Variants in SHISA6 observed in about 807,000 individuals in gnomAD.
The protein encoded by SHISA6 is protein shisa-6.
A neutral mutation model predicts 47.9 loss-of-function variants in SHISA6; 22 were observed. The ratio of observed to expected loss-of-function variants is 0.46; its 90% CI spans 0.33 to 0.66. SHISA6 has a LOEUF of 0.66. SHISA6 is among the 30% of genes least tolerant of loss of function. The pLI is 0.02. For missense variants in SHISA6, 680 were observed against 764.6 expected (o/e 0.89, Z 1.30); for synonymous variants, 388 against 337.8 (o/e 1.15, Z -1.63).
intron 3 of SHISA6, among the ~76,000 whole-genome samples, chr17:11,462,590 C>T (rs922767161): frequency 1.3e-5 from 2 of 152,072 alleles, no homozygotes; most frequent in African/African-American, 4.8e-5. Flanking sequence ...AGATAATAAA[C>T]ACAGCTGACA....
At chr17:11,539,694 T>A (rs2071816956) in intron 3 of SHISA6, among the ~76,000 whole-genome samples, 1 of 152,248 alleles carries the variant, frequency 6.6e-6, no homozygotes, top group African/African-American at 2.4e-5. Flanking sequence ...CTTGCTTCTC[T>A]GCTTCCTGCA....
At chr17:11,251,004 G>T (rs1907781638) in intron 1 of SHISA6, among the ~76,000 whole-genome samples, 1 of 152,154 alleles carries the variant, frequency 6.6e-6, no homozygotes, top group East Asian at 1.9e-4. Context: ...TCCCGTCTGA[G>T]TGTAGGGGCC....
At chr17:11,519,571 G>GTAA (rs139512721) in intron 3 of SHISA6, among the ~76,000 whole-genome samples, 8,473 of 152,202 alleles carry the variant, frequency 0.056, 279 homozygotes, top group Middle Eastern at 0.099. Context: ...ACGGAGGGTG[G>GTAA]TAATAGTAGG....
intron 1 of SHISA6, among the ~76,000 whole-genome samples, chr17:11,249,856 G>A (rs1057089466): frequency 3.9e-5 from 6 of 152,174 alleles, no homozygotes; most frequent in Admixed American, 1.3e-4. Context: ...CCTAGGAGCC[G>A]TGTCAGCTGT....
chr17:11,535,506 G>T (rs1022696710), intron 3 of SHISA6, among the ~76,000 whole-genome samples: 20 of 152,192 alleles, frequency 1.3e-4, no homozygotes, highest in African/African-American at 3.9e-4. Context: ...TCCTTAGGGG[G>T]TTTTTAGGGT....
At chr17:11,524,950 C>T (rs974439879) in intron 3 of SHISA6, among the ~76,000 whole-genome samples, 4 of 151,830 alleles carry the variant, frequency 2.6e-5, no homozygotes, top group Non-Finnish European at 5.9e-5. Context: ...ACAGTTGAAA[C>T]CCTGAGATGA....
chr17:11,267,052 A>G (rs906861762), intron 2 of SHISA6, among the ~76,000 whole-genome samples: 5 of 152,218 alleles, frequency 3.3e-5, no homozygotes, highest in African/African-American at 7.2e-5. Flanking sequence ...GGATCCTGTA[A>G]TATTTCTTAG....
At chr17:11,499,689 T>TC (rs1470186589) in intron 3 of SHISA6, among the ~76,000 whole-genome samples, 4 of 149,844 alleles carry the variant, frequency 2.7e-5, no homozygotes, top group African/African-American at 9.9e-5. Context: ...CTTTCTTTTT[T>TC]TTTTTTTTTT....
intron 3 of SHISA6, among the ~76,000 whole-genome samples, chr17:11,549,412 G>T (rs1238106199): frequency 6.9e-6 from 1 of 144,082 alleles, no homozygotes; most frequent in Non-Finnish European, 1.5e-5. Context: ...TATATTGTTT[G>T]TGACTTCATC....
intron 3 of SHISA6, among the ~76,000 whole-genome samples, chr17:11,513,092 T>G (rs1490905922): frequency 6.6e-6 from 1 of 151,994 alleles, no homozygotes; most frequent in Non-Finnish European, 1.5e-5. Context: ...GTACCTATTT[T>G]TCTTTCCGTT....
chr17:11,338,014 A>T (rs1200639241), intron 2 of SHISA6, among the ~76,000 whole-genome samples: 1 of 152,206 alleles, frequency 6.6e-6, no homozygotes, highest in African/African-American at 2.4e-5. Flanking sequence ...TGTATCAATC[A>T]GGGGCCATTG....
At chr17:11,387,725 C>T (rs745841835) in intron 3 of SHISA6, among the ~76,000 whole-genome samples, 1 of 152,134 alleles carries the variant, frequency 6.6e-6, no homozygotes, top group African/African-American at 2.4e-5. Context: ...TGGCCAGGGA[C>T]TAACCATTAA....
intron 3 of SHISA6, among the ~76,000 whole-genome samples, chr17:11,537,679 C>T (rs1368076854): frequency 6.6e-6 from 1 of 152,166 alleles, no homozygotes; most frequent in African/African-American, 2.4e-5. Flanking sequence ...GTATTATCAC[C>T]ATGGCCTCTT....
At chr17:11,295,306 C>A (rs1555526419) in intron 2 of SHISA6, among the ~76,000 whole-genome samples, 1 of 152,190 alleles carries the variant, frequency 6.6e-6, no homozygotes, top group African/African-American at 2.4e-5. Flanking sequence ...AGTATTCATT[C>A]ATTCTACTAA....
chr17:11,538,123 G>C lies in SHISA6; in HGVS notation c.896-13773G>C, dbSNP rs544305590. Among the ~76,000 whole-genome samples, 11 of 152,234 alleles carry C rather than the reference G, an allele frequency of 7.2e-5. No individual in the cohort carries two copies. The East Asian group carries it at 1.9e-3, about 27-fold the overall frequency. On this transcript the variant is annotated intron_variant, in intron 3 of 5. Transcript: ENST00000441885. ...TCACCAAGGCTGGAGTGGTGCAGTG[G>C]CATGATCTCGGCTCACTGCAACTTC... is the stretch of plus-strand genomic sequence containing the variant.
chr17:11,253,908 C>T (rs971179345), intron 1 of SHISA6, among the ~76,000 whole-genome samples: 3 of 151,974 alleles, frequency 2.0e-5, no homozygotes, highest in African/African-American at 7.3e-5. Flanking sequence ...AAAACTTGTC[C>T]GGACTTCGAG....
chr17:11,542,711 C>T (rs2071844351), intron 3 of SHISA6, among the ~76,000 whole-genome samples: 1 of 152,134 alleles, frequency 6.6e-6, no homozygotes, highest in Non-Finnish European at 1.5e-5. Context: ...AAAGGTTCCA[C>T]ATGGAACCTT....
intron 2 of SHISA6, among the ~76,000 whole-genome samples, chr17:11,291,565 C>T (rs984867159): frequency 6.6e-6 from 1 of 152,000 alleles, no homozygotes; most frequent in African/African-American, 2.4e-5. Flanking sequence ...ACCCGGGAGG[C>T]GGAGATTGCA....
intron 2 of SHISA6, among the ~76,000 whole-genome samples, chr17:11,308,942 G>T (rs1240740905): frequency 6.6e-6 from 1 of 152,198 alleles, no homozygotes; most frequent in African/African-American, 2.4e-5. Context: ...GGCACTGCCA[G>T]TGGAGCACGA....
Sources: gnomAD v4.1 joint callset for allele counts (sites outside exome capture counted in the v4.1 genomes callset) on GRCh38, gnomAD v4.1.1 for gene constraint, MANE v1.5 for transcripts, NCBI Gene and HGNC (gene_info 2026-07-23, HGNC 2026-07-21) for gene names.